The following DIP2A variants were observed in gnomAD, a reference collection of about 807,000 sequenced individuals.
DIP2A encodes DIP2 acetate--CoA ligase A.
Under a neutral mutation model 177.4 loss-of-function variants are expected in DIP2A, and 85 were observed. That is an observed-to-expected ratio of 0.48 (90% CI 0.40 to 0.57). DIP2A has a LOEUF of 0.57. Among genes scored for constraint, DIP2A ranks in the 20% least tolerant of loss-of-function variants. The pLI is 0.00. For missense variants in DIP2A, 1,791 were observed against 2,100.2 expected, an observed-to-expected ratio of 0.85 and a Z score of 2.88; for synonymous variants, 886 against 881.8, an observed-to-expected ratio of 1.00 and a Z score of -0.08.
chr21:46,489,209 A>T (rs1398262471), intron 2 of DIP2A, among the ~76,000 whole-genome samples: 2 of 152,244 alleles, frequency 1.3e-5, no homozygotes, highest in Non-Finnish European at 2.9e-5. Flanking sequence ...CCCATTCTCC[A>T]GTGCTGTATA....
Position 46,563,757 on chromosome 21 carries a change from C to T in DIP2A, c.4090-101C>T. ...CTGACCTGACATGAGCACATCAGTCCTGCAGGCCAGCTTCTGAGGGACGTT... is the reference window on the plus strand; with the variant it reads ...CTGACCTGACATGAGCACATCAGTCTTGCAGGCCAGCTTCTGAGGGACGTT... On this transcript the variant is annotated intron_variant, in intron 34 of 37. Coordinates refer to ENST00000417564, the MANE Select transcript of DIP2A (RefSeq NM_015151.4). This position sits in a 1 kb window ranked among gnomAD's most constrained non-coding sequence, Gnocchi z 4.3. 1 of 1,519,908 alleles carries T rather than the reference C, an allele frequency of 6.6e-7. No individual in the cohort carries two copies. Among genetic ancestry groups the T allele is most frequent in the South Asian group, 1.3e-5 (1 of 79,048 alleles). The allele number at this position is 1,519,908 out of a possible 1,614,324, so 94.2% of individuals were successfully genotyped here.
At chr21:46,526,555 C>T (rs1216656718) in intron 8 of DIP2A, among the ~76,000 whole-genome samples, 1 of 151,930 alleles carries the variant, frequency 6.6e-6, no homozygotes, top group Non-Finnish European at 1.5e-5. Flanking sequence ...CCTCCATGTC[C>T]GCCTGATTTT....
chr21:46,548,429 G>A (rs1388728443), intron 21 of DIP2A, among the ~76,000 whole-genome samples: 1 of 152,188 alleles, frequency 6.6e-6, no homozygotes, highest in Non-Finnish European at 1.5e-5. Flanking sequence ...TCCCCACTAG[G>A]GAAGAGCTGA....
Position 46,545,870 on chromosome 21 carries a change from A to G in DIP2A, c.2314-11A>G. On this transcript the variant is annotated splice_polypyrimidine_tract_variant and intron_variant, in intron 19 of 37. Coordinates refer to ENST00000417564, the MANE Select transcript of DIP2A (RefSeq NM_015151.4). ...CCACAGCCTGATCGTGCCCCTCTCC[A>G]CTTTGTGCAGGCAGTTCCGGTCACC... The G allele has an allele frequency of 1.2e-6, 2 of 1,612,906 alleles. No individual in the cohort carries two copies. The highest frequency in any genetic ancestry group is 1.7e-6 in the Non-Finnish European group (2 of 1,179,248).
At chr21:46,533,834 A>G (rs1362640639) in intron 11 of DIP2A, among the ~76,000 whole-genome samples, 170 bp from the exon 12 acceptor site, 3 of 152,234 alleles carry the variant, frequency 2.0e-5, no homozygotes, top group Non-Finnish European at 4.4e-5. Flanking sequence ...CTAATGTGGT[A>G]GCCACTGGCC....
At chr21:46,495,296 T>C (rs1419616275) in intron 3 of DIP2A, among the ~76,000 whole-genome samples, 1 of 144,300 alleles carries the variant, frequency 6.9e-6, no homozygotes, top group African/African-American at 2.5e-5. Context: ...GAGATGGAGT[T>C]TCACTCTTCT....
rs2060476369 is a variant in DIP2A at position 46,556,586 on chromosome 21, G to A, written c.3499-353G>A. ...TAATCCCAGATACTCAGGAGGCTGAGGCAGGAGAATTGCTTGAACCCGGGA... is the reference window on the plus strand; with the variant it reads ...TAATCCCAGATACTCAGGAGGCTGAAGCAGGAGAATTGCTTGAACCCGGGA... On this transcript the variant is annotated intron_variant, in intron 29 of 37. Transcript: ENST00000417564. The surrounding 1 kb of genome is among the most constrained non-coding windows in gnomAD (Gnocchi z 4.5). The A allele has an allele frequency of 2.7e-6, 1 of 375,520 alleles. No individual in the cohort carries two copies. The highest frequency in any genetic ancestry group is 5.0e-6 in the Non-Finnish European group (1 of 198,218). The allele number at this position is 375,520 out of a possible 1,614,324, so 23.3% of individuals were successfully genotyped here.
At chr21:46,492,121 C>T (rs2057047339) in intron 3 of DIP2A, among the ~76,000 whole-genome samples, 1 of 151,564 alleles carries the variant, frequency 6.6e-6, no homozygotes, top group Non-Finnish European at 1.5e-5. Context: ...TTTTTAGTGC[C>T]ATTTTAGTGC....
chr21:46,521,308 C>T (rs1377537836), intron 8 of DIP2A, among the ~76,000 whole-genome samples: 1 of 152,310 alleles, frequency 6.6e-6, no homozygotes, highest in East Asian at 1.9e-4. Flanking sequence ...TCTGCCCCAG[C>T]CTCCTGAGTA....
At chr21:46,494,247 G>T (rs2057181840) in intron 3 of DIP2A, among the ~76,000 whole-genome samples, 1 of 152,344 alleles carries the variant, frequency 6.6e-6, no homozygotes, top group South Asian at 2.1e-4. Context: ...AGTGTTTTCA[G>T]CCTCTATGAA....
chr21:46,567,328 T>C, intron 37 of DIP2A, 42 bp from the exon 38 acceptor site: 1 of 1,582,384 alleles, frequency 6.3e-7, no homozygotes, highest in Non-Finnish European at 8.6e-7. Context: ...CCCTGTGACC[T>C]GTGCCTGTAT....
intron 10 of DIP2A, among the ~76,000 whole-genome samples, chr21:46,533,065 CAG>C: frequency 6.6e-6 from 1 of 152,254 alleles, no homozygotes; most frequent in South Asian, 2.1e-4. Flanking sequence ...AAGAAAATGA[CAG>C]AATACTGCTG....
At chr21:46,461,551 A>G (rs955063999) in intron 1 of DIP2A, among the ~76,000 whole-genome samples, 2 of 152,198 alleles carry the variant, frequency 1.3e-5, no homozygotes, top group African/African-American at 2.4e-5. Context: ...CTTGCTAGGC[A>G]TTGACAATTG....
At chr21:46,549,606 G>A (rs1312180917) in intron 21 of DIP2A, among the ~76,000 whole-genome samples, 165 bp from the exon 22 acceptor site, 1 of 152,202 alleles carries the variant, frequency 6.6e-6, no homozygotes, top group Non-Finnish European at 1.5e-5. Context: ...TCCTCGAGGA[G>A]ATTAGAATGA....
chr21:46,533,341 A>G (rs555671233), intron 10 of DIP2A, among the ~76,000 whole-genome samples, 183 bp from the exon 11 acceptor site: 3 of 152,364 alleles, frequency 2.0e-5, no homozygotes, highest in South Asian at 2.1e-4. Flanking sequence ...CATAGTTGTC[A>G]CATTTTCATG....
chr21:46,560,740 C>G lies in DIP2A; in HGVS notation c.3988C>G (p.Pro1330Ala), dbSNP rs749038686. 6.2e-7 allele frequency: 1 copy of G among 1,609,420 alleles called. No homozygotes were observed. Among genetic ancestry groups the G allele is most frequent in the African/African-American group, 1.3e-5 (1 of 74,990 alleles). Residue 1330 changes from proline to alanine, a missense_variant, in exon 33 of 38, where the codon CCC becomes GCC. Pro to Ala is a conservative substitution (Grantham distance 27). Coordinates refer to ENST00000417564, the MANE Select transcript of DIP2A (RefSeq NM_015151.4). ...CTTCCAGGGCACAGCTGGCCCGGACCCCACAACCGTCTACGTGGACATGCG... is the reference window on the plus strand; with the variant it reads ...CTTCCAGGGCACAGCTGGCCCGGACGCCACAACCGTCTACGTGGACATGCG... ...ICLQGTAGPD[P>A]TTVYVDMRAL...
intron 1 of DIP2A, among the ~76,000 whole-genome samples, chr21:46,471,482 T>G (rs914038432): frequency 1.3e-5 from 2 of 152,250 alleles, no homozygotes; most frequent in Non-Finnish European, 2.9e-5. Context: ...ATTTTTGCTG[T>G]GCAGTGAGCT....
chr21:46,514,361 A>G (rs7283894), intron 8 of DIP2A, among the ~76,000 whole-genome samples: 2,953 of 151,748 alleles, frequency 0.019, 109 homozygotes, highest in African/African-American at 0.067. Context: ...GCATGAACCC[A>G]GGAGGCGGAG....
chr21:46,549,927 A>G (rs779587476), intron 22 of DIP2A, 42 bp downstream of exon 22: 2 of 1,604,234 alleles, frequency 1.2e-6, no homozygotes, highest in Admixed American at 1.7e-5. Flanking sequence ...GAATCTCCCA[A>G]GCTGGCACCC....
Sources: gnomAD v4.1 joint callset for allele counts (sites outside exome capture counted in the v4.1 genomes callset) on GRCh38, gnomAD v4.1.1 for gene constraint, Gnocchi (gnomAD v3.1) non-coding constraint, MANE v1.5 for transcripts, NCBI Gene and HGNC (gene_info 2026-07-23, HGNC 2026-07-21) for gene names.